The following KIAA1328 variants were observed in gnomAD, a reference collection of about 807,000 sequenced individuals.
KIAA1328 encodes KIAA1328.
In KIAA1328, 52 loss-of-function variants were observed where a neutral mutation model predicts 68.1. That is an observed-to-expected ratio of 0.76 (90% CI 0.61 to 0.96). The LOEUF is 0.96. Among genes scored for constraint, KIAA1328 ranks in the 40% least tolerant of loss-of-function variants. KIAA1328 has a pLI of 0.00. For synonymous variants in KIAA1328, 232 were observed against 239.4 expected (o/e 0.97, Z 0.28); for missense variants, 641 against 677.6 (o/e 0.95, Z 0.60).
chr18:37,023,909 G>A (rs960096803), intron 6 of KIAA1328, among the ~76,000 whole-genome samples: 3 of 152,138 alleles, frequency 2.0e-5, no homozygotes, highest in Admixed American at 1.3e-4. Context: ...TGTCACCCAG[G>A]TAATAAGCAT....
chr18:37,230,082 C>T (rs961278961), downstream of KIAA1328: 1 of 152,370 alleles, frequency 6.6e-6, no homozygotes, highest in Non-Finnish European at 1.5e-5. Context: ...GAACCTACCT[C>T]ATGAAGTTAT....
intron 3 of KIAA1328, among the ~76,000 whole-genome samples, chr18:36,837,216 A>G (rs556210665): frequency 6.6e-6 from 1 of 152,296 alleles, no homozygotes; most frequent in Non-Finnish European, 1.5e-5. Context: ...TCGACTAGCA[A>G]TGTATGAGGA....
intron 7 of KIAA1328, among the ~76,000 whole-genome samples, chr18:37,116,898 A>T (rs1223706213): frequency 6.6e-6 from 1 of 152,246 alleles, no homozygotes; most frequent in Non-Finnish European, 1.5e-5. Flanking sequence ...CAGCCAACAG[A>T]CATATGAAAA....
intron 7 of KIAA1328, among the ~76,000 whole-genome samples, chr18:37,076,876 C>T (rs578251478): frequency 1.7e-4 from 26 of 152,148 alleles, no homozygotes; most frequent in East Asian, 1.4e-3. Context: ...CAGGACCAGA[C>T]GGATTCACAG....
chr18:36,921,370 A>C (rs1281573958), intron 5 of KIAA1328, among the ~76,000 whole-genome samples: 1 of 152,112 alleles, frequency 6.6e-6, no homozygotes, highest in East Asian at 1.9e-4. Context: ...AAAATAGCCT[A>C]TAAAATTAGG....
chr18:37,067,684 C>A (rs1021186187), intron 7 of KIAA1328, 139 bp downstream of exon 7: 28 of 911,824 alleles, frequency 3.1e-5, no homozygotes, highest in Non-Finnish European at 3.1e-5. Flanking sequence ...CTCAGCCTCC[C>A]GAGTAGCTGG....
chr18:36,857,884 A>G (rs1332326923), intron 4 of KIAA1328, among the ~76,000 whole-genome samples: 1 of 152,148 alleles, frequency 6.6e-6, no homozygotes, highest in African/African-American at 2.4e-5. Context: ...TGGCCTTTCT[A>G]TATTTATTGA....
intron 4 of KIAA1328, among the ~76,000 whole-genome samples, chr18:36,876,794 C>CT (rs900414210): frequency 1.5e-4 from 23 of 152,168 alleles, no homozygotes; most frequent in Admixed American, 5.2e-4. Flanking sequence ...ATCTTTCCCA[C>CT]TTTCTCATGT....
intron 7 of KIAA1328, among the ~76,000 whole-genome samples, chr18:37,101,249 A>C (rs1032464219): frequency 2.0e-5 from 3 of 152,184 alleles, no homozygotes; most frequent in African/African-American, 7.2e-5. Flanking sequence ...AAGCCATGGC[A>C]AAGAAGTTAA....
chr18:37,215,676 G>A (rs1019530215), intron 9 of KIAA1328, among the ~76,000 whole-genome samples: 4 of 152,172 alleles, frequency 2.6e-5, no homozygotes, highest in Admixed American at 6.5e-5. Flanking sequence ...ATGAGTTAGG[G>A]AGGATTCCCT....
At chr18:37,016,611 T>A (rs1189851318) in intron 6 of KIAA1328, among the ~76,000 whole-genome samples, 1 of 152,156 alleles carries the variant, frequency 6.6e-6, no homozygotes, top group Non-Finnish European at 1.5e-5. Context: ...GTTTGTTTGT[T>A]TGTAGGCTTT....
intron 9 of KIAA1328, among the ~76,000 whole-genome samples, chr18:37,216,087 C>A (rs982241074): frequency 9.2e-5 from 14 of 151,978 alleles, no homozygotes; most frequent in African/African-American, 3.4e-4. Context: ...TGTTTCTTTT[C>A]AAAAAACCAG....
At position 37,024,332 on chromosome 18, in the gene KIAA1328, C is replaced by CT. The variant is rs535918779; in HGVS notation, c.577-42551dup. ...TCCTTTCTTTGTGTCCATGTGTTCT[C>CT]TTTTTTTATGTATATATTTATTATT... On this transcript the variant is annotated intron_variant, in intron 6 of 9. Coordinates refer to ENST00000280020, the MANE Select transcript of KIAA1328 (RefSeq NM_020776.3). 2.8e-4 allele frequency among the ~76,000 whole-genome samples: 41 copies of CT among 148,600 alleles called. 1 individual carries two copies. The South Asian group carries it at 7.7e-3, about 28-fold the overall frequency.
At chr18:36,844,895 A>G (rs931033930) in intron 4 of KIAA1328, among the ~76,000 whole-genome samples, 2 of 151,916 alleles carry the variant, frequency 1.3e-5, no homozygotes, top group African/African-American at 4.8e-5. Context: ...ATAGAGAAAT[A>G]GATGAATATA....
chr18:36,858,296 A>T (rs1370456775), intron 4 of KIAA1328, among the ~76,000 whole-genome samples: 1 of 151,994 alleles, frequency 6.6e-6, no homozygotes, highest in African/African-American at 2.4e-5. Context: ...GCTTTTTCTG[A>T]TGTTAATATA....
intron 5 of KIAA1328, among the ~76,000 whole-genome samples, chr18:36,922,456 C>T (rs1413357929): frequency 6.6e-6 from 1 of 152,112 alleles, no homozygotes. Context: ...TGGGTATTCC[C>T]ACATCATCAT....
At chr18:37,157,257 T>A (rs142605621) in intron 7 of KIAA1328, among the ~76,000 whole-genome samples, 2 of 151,722 alleles carry the variant, frequency 1.3e-5, no homozygotes, top group African/African-American at 4.8e-5. Flanking sequence ...ATGGTGAGAG[T>A]TTTTTGTTTG....
chr18:36,856,566 G>T (rs1332513024), intron 4 of KIAA1328, among the ~76,000 whole-genome samples: 1 of 106,484 alleles, frequency 9.4e-6, no homozygotes, highest in Non-Finnish European at 1.9e-5. Context: ...ATTTGTTCAG[G>T]TGTTGTTTTC....
At chr18:36,902,640 T>C (rs922377536) in intron 5 of KIAA1328, among the ~76,000 whole-genome samples, 4 of 152,238 alleles carry the variant, frequency 2.6e-5, no homozygotes, top group African/African-American at 9.6e-5. Context: ...TCAGGTATTA[T>C]CCATAAGATA....
Sources: gnomAD v4.1 joint callset for allele counts (sites outside exome capture counted in the v4.1 genomes callset) on GRCh38, gnomAD v4.1.1 for gene constraint, MANE v1.5 for transcripts, NCBI Gene and HGNC (gene_info 2026-07-23, HGNC 2026-07-21) for gene names.